Variants in TMC8 observed in about 807,000 individuals in gnomAD.
The protein encoded by TMC8 is transmembrane channel like 8.
Under a neutral mutation model 76.0 loss-of-function variants are expected in TMC8, and 71 were observed. The ratio of observed to expected loss-of-function variants is 0.93; its 90% CI spans 0.77 to 1.14. The LOEUF (loss-of-function observed/expected upper bound fraction) is 1.14, where lower values mean the gene tolerates loss of function less well. TMC8 is among the 50% of genes most tolerant of loss of function. The probability of loss-of-function intolerance (pLI) is 0.00; values close to 1 mark genes in which losing one functional copy is unlikely to be tolerated. For synonymous variants in TMC8, 433 were observed against 433.8 expected (o/e 1.00, Z 0.02); for missense variants, 924 against 947.9 (o/e 0.97, Z 0.33).
At chr17:78,133,326 G>A (rs2075094203) in intron 5 of TMC8, 80 bp from the exon 6 acceptor site, 1 of 1,606,824 alleles carries the variant, frequency 6.2e-7, no homozygotes, top group Non-Finnish European at 8.5e-7. Context: ...TTGCACGGGG[G>A]CTAACAAGAT....
intron 15 of TMC8, 55 bp downstream of exon 15, chr17:78,139,295 T>C (rs376836060): frequency 6.3e-7 from 1 of 1,598,480 alleles, no homozygotes. Context: ...AACCCTTCCC[T>C]ATGTGTGGCC....
At position 78,132,448 on chromosome 17, in the gene TMC8, T is replaced by A; in HGVS notation, c.388T>A (p.Phe130Ile). ...GCTGAGCCTGCTGCTCACCGCAAGC[T>A]TCGTGCTGCTGCCCCTGGTCTGGCT... Reference protein sequence around the residue: ...NLLSLLLTASFVLLPLVWLRP... With the variant: ...NLLSLLLTASIVLLPLVWLRP... The change falls in exon 4 of 16, where the codon TTC becomes ATC. Residue 130 changes from phenylalanine to isoleucine, a missense_variant. Coordinates refer to ENST00000318430, the MANE Select transcript of TMC8 (RefSeq NM_152468.5). 2 of 1,612,662 alleles carry A rather than the reference T, an allele frequency of 1.2e-6. No individual in the cohort carries two copies. The highest frequency in any genetic ancestry group is 1.7e-6 in the Non-Finnish European group (2 of 1,179,596).
chr17:78,132,553 C>A, intron 4 of TMC8, 45 bp downstream of exon 4: 1 of 1,586,584 alleles, frequency 6.3e-7, no homozygotes, highest in South Asian at 1.1e-5. Flanking sequence ...TGCCCACCTG[C>A]GCCATGGGGG....
At chr17:78,132,744 T>C in intron 4 of TMC8, 44 bp from the exon 5 acceptor site, 3 of 1,600,286 alleles carry the variant, frequency 1.9e-6, no homozygotes, top group South Asian at 1.1e-5. Context: ...GCCTCACCTA[T>C]GCCTTGGGGA....
Position 78,138,404 on chromosome 17 carries a change from C to G in TMC8, c.1589C>G (p.Ser530Cys), listed in dbSNP as rs201607836. 3.7e-6 allele frequency: 6 copies of G among 1,612,624 alleles called. No individual in the cohort carries two copies. Among genetic ancestry groups the G allele is most frequent in the Non-Finnish European group, 5.1e-6 (6 of 1,180,002 alleles). The stretch of plus-strand genomic sequence containing the variant: ...TCGCGGCCCTTCCGTGCCTCCAGCT[C>G]CACCTTCTTCTTCCAGCTAGTGCTC... ...ASSRPFRASS[S>C]TFFFQLVLLL... Residue 530 changes from serine (S) to cysteine (C), a missense_variant, in exon 13 of 16, where the codon TCC (serine) becomes TGC (cysteine). Transcript: ENST00000318430.
rs2075177592 is a variant in TMC8, at chr17:78,134,807, G to A, written c.988-63G>A. ...AGAGTTACACTTTAGGGCACTGTGGGGGGCGGGGAGCAGACAGGGGCCCCC... is the reference window on the plus strand; with the variant it reads ...AGAGTTACACTTTAGGGCACTGTGGAGGGCGGGGAGCAGACAGGGGCCCCC... On this transcript the variant is annotated intron_variant, in intron 8 of 15. Coordinates refer to ENST00000318430, the MANE Select transcript of TMC8 (RefSeq NM_152468.5). 6 of 1,607,974 alleles carry A rather than the reference G, an allele frequency of 3.7e-6. No individual in the cohort carries two copies. In the South Asian group the frequency reaches 6.6e-5, roughly 18 times the overall value.
chr17:78,134,856 G>A lies in TMC8; in HGVS notation c.988-14G>A. 4 of 1,613,586 alleles carry A rather than the reference G, an allele frequency of 2.5e-6. No individual in the cohort carries two copies. Among genetic ancestry groups the A allele is most frequent in the Non-Finnish European group, 3.4e-6 (4 of 1,180,006 alleles). On this transcript the variant is annotated splice_polypyrimidine_tract_variant and intron_variant, in intron 8 of 15. Transcript: ENST00000318430. ...CCCAGCACGCGGGCTCCCCTGACCT[G>A]CCTTTTCCCGCAGGAGTCCCTGTTT... is the stretch of plus-strand genomic sequence containing the variant.
chr17:78,131,539 TC>T lies in TMC8; in HGVS notation c.-43del, dbSNP rs1454073294. 2 of 1,535,258 alleles carry T rather than the reference TC, an allele frequency of 1.3e-6. No individual in the cohort carries two copies. The highest frequency in any genetic ancestry group is 1.4e-5 in the African/African-American group (1 of 72,840). The stretch of plus-strand genomic sequence containing the variant: ...AGGCTCATCCAACCGGGGACTCATA[TC>T]CCCCCCACCGGCAGCCCGGCGCCCC... On this transcript the variant is annotated 5_prime_UTR_variant, in exon 2 of 16. Coordinates refer to ENST00000318430, the MANE Select transcript of TMC8 (RefSeq NM_152468.5).
chr17:78,133,187 C>T (rs1014469718), intron 5 of TMC8, among the ~76,000 whole-genome samples: 2 of 152,198 alleles, frequency 1.3e-5, no homozygotes, highest in Admixed American at 6.5e-5. Context: ...GGGAAGCCAT[C>T]GAGTGGTCAC....
chr17:78,138,618 C>T lies in TMC8; in HGVS notation c.1709C>T (p.Ala570Val). Residue 570 changes from alanine (A) to valine (V), a missense_variant, in exon 14 of 16, where the codon GCA becomes GTA. Transcript: ENST00000318430. Reference sequence around the variant, plus strand: ...TGCGGCCTCTTCACCAACTACTCAGCACCCTGGCAAGTGGTCCCGGAGCTG... The same window carrying T: ...TGCGGCCTCTTCACCAACTACTCAGTACCCTGGCAAGTGGTCCCGGAGCTG... The part of the protein sequence containing the change: ...WDCGLFTNYS[A>V]PWQVVPELVA... The T allele has an allele frequency of 6.2e-7, 1 of 1,613,966 alleles. No homozygotes were observed. The highest frequency in any genetic ancestry group is 1.3e-5 in the African/African-American group (1 of 75,080).
In TMC8 at chr17:78,142,174, C is replaced by T. The variant is rs1356231898; in HGVS notation, c.*1062C>T. On this transcript the variant is annotated 3_prime_UTR_variant, in exon 16 of 16. Transcript: ENST00000318430. ...AGTGACTAAATCTGTGGTTCTCATC[C>T]TTGGAGAACACCTGAGTAGCTGCTA... 1.3e-5 allele frequency: 2 copies of T among 152,214 alleles called. No individual in the cohort carries two copies. The highest frequency in any genetic ancestry group is 6.5e-5 in the Admixed American group (1 of 15,284). 9.4% of individuals were successfully genotyped at this position (152,214 alleles called of 1,614,324 possible).
At chr17:78,132,549 C>A in intron 4 of TMC8, 41 bp downstream of exon 4, 1 of 1,590,368 alleles carries the variant, frequency 6.3e-7, no homozygotes, top group South Asian at 1.1e-5. Flanking sequence ...CCGGTGCCCA[C>A]CTGCGCCATG....
chr17:78,139,296 A>C (rs369930072), intron 15 of TMC8, 56 bp downstream of exon 15: 1 of 1,597,726 alleles, frequency 6.3e-7, no homozygotes. Flanking sequence ...ACCCTTCCCT[A>C]TGTGTGGCCG....
At chr17:78,132,231 C>T (rs2075020957) in intron 3 of TMC8, 128 bp from the exon 4 acceptor site, 1 of 1,393,618 alleles carries the variant, frequency 7.2e-7, no homozygotes, top group Non-Finnish European at 9.9e-7. Context: ...GTCAGCGGTA[C>T]CTCCGGACTC....
In TMC8 at chr17:78,139,144, A is replaced by T; in HGVS notation, c.1824-18A>T. ...TGGCCCCAGGGGCAACTGACCACGA[A>T]TCCCCTTCCCACCCAAGCCTTGTCC... is the stretch of plus-strand genomic sequence containing the variant. On this transcript the variant is annotated intron_variant, in intron 14 of 15. Coordinates refer to ENST00000318430, the MANE Select transcript of TMC8 (RefSeq NM_152468.5). The T allele has an allele frequency of 6.2e-7, 1 of 1,613,232 alleles. No individual in the cohort carries two copies. The highest frequency in any genetic ancestry group is 8.5e-7 in the Non-Finnish European group (1 of 1,179,936).
chr17:78,137,453 A>G, intron 10 of TMC8, 95 bp downstream of exon 10: 2 of 1,599,440 alleles, frequency 1.3e-6, no homozygotes, highest in Non-Finnish European at 1.7e-6. Flanking sequence ...CCCTTTAGTC[A>G]CCTTTGAGAG....
At chr17:78,133,677 C>T in intron 6 of TMC8, 135 bp downstream of exon 6, 1 of 1,544,972 alleles carries the variant, frequency 6.5e-7, no homozygotes. Flanking sequence ...TTCCTCAGCC[C>T]AGGCTCTGGC....
chr17:78,134,059 G>GT, intron 7 of TMC8, 59 bp downstream of exon 7: 1 of 1,610,624 alleles, frequency 6.2e-7, no homozygotes, highest in South Asian at 1.1e-5. Context: ...GAGCGAGTGC[G>GT]TGAGAGCCAC....
intron 6 of TMC8, 91 bp downstream of exon 6, chr17:78,133,633 G>A (rs896793832): frequency 4.4e-6 from 7 of 1,589,214 alleles, no homozygotes; most frequent in Non-Finnish European, 6.0e-6. Flanking sequence ...TTGGCAGGAA[G>A]GCCCATGGCC....
Sources: gnomAD v4.1 joint callset for allele counts (sites outside exome capture counted in the v4.1 genomes callset) on GRCh38, gnomAD v4.1.1 for gene constraint, MANE v1.5 for transcripts, NCBI Gene and HGNC (gene_info 2026-07-23, HGNC 2026-07-21) for gene names.